The following HSPG2 variants were observed in gnomAD, a reference collection of about 807,000 sequenced individuals.
The protein encoded by HSPG2 is heparan sulfate proteoglycan 2.
Under a neutral mutation model 526.6 loss-of-function variants are expected in HSPG2, and 278 were observed. The ratio of observed to expected loss-of-function variants is 0.53; its 90% confidence interval spans 0.48 to 0.58. HSPG2 has a LOEUF of 0.58. HSPG2 is among the 20% of genes least tolerant of loss of function. The probability of loss-of-function intolerance (pLI) is 0.00; values close to 1 mark genes in which losing one functional copy is unlikely to be tolerated. For synonymous variants in HSPG2, 2,465 were observed against 2,555.4 expected (o/e 0.96, Z 1.07); for missense variants, 5,354 against 6,099.5 (o/e 0.88, Z 4.07).
At position 21,839,761 on chromosome 1, in the gene HSPG2, A is replaced by G. The variant is rs1488263119; in HGVS notation, c.9709+61T>C. ...CATCATCTCTAGATCACATGTGTCT[A>G]CATTTCAGACCCCAGGGCATCCCTG... On this transcript the variant is annotated intron_variant, in intron 72 of 96. Coordinates refer to ENST00000374695, the MANE Select transcript of HSPG2 (RefSeq NM_005529.7). This position sits in a 1 kb window ranked among gnomAD's most constrained non-coding sequence, Gnocchi z 4.5. 5 of 1,565,576 alleles carry G rather than the reference A, an allele frequency of 3.2e-6. No homozygotes were observed. In the African/African-American group the frequency reaches 5.4e-5, roughly 17 times the overall value.
rs780627401 is a variant in HSPG2 at position 21,842,810 on chromosome 1, G to A, written c.8870C>T (p.Thr2957Met). ...VVPGQAHAQV[T>M]WYKRGGSLPA... The stretch of plus-strand genomic sequence containing the variant: ...GAGGCTGCCCCCGCGCTTGTACCAC[G>A]TGACCTGGGCATGGGCCTGCCCGGG... The change falls in exon 67 of 97, where the codon ACG (threonine) becomes ATG (methionine). Residue 2957 changes from threonine (T) to methionine (M), a missense_variant. Thr to Met is a moderately conservative substitution (Grantham distance 81, BLOSUM62 -1). Coordinates refer to ENST00000374695, the MANE Select transcript of HSPG2 (RefSeq NM_005529.7). 28 of 1,613,762 alleles carry A rather than the reference G, an allele frequency of 1.7e-5. No individual in the cohort carries two copies. Among genetic ancestry groups the A allele is most frequent in the East Asian group, 1.1e-4 (5 of 44,900 alleles).
rs544883114 is a variant in HSPG2, at chr1:21,822,318, C to T, written c.*998G>A. ...GAGGGTCCCTTCTAGGACACAGAGGCCAGGCGTCCCAACCCCACAGTCTGG... is the reference window on the plus strand; with the variant it reads ...GAGGGTCCCTTCTAGGACACAGAGGTCAGGCGTCCCAACCCCACAGTCTGG... On this transcript the variant is annotated 3_prime_UTR_variant, in exon 97 of 97. Coordinates refer to ENST00000374695, the MANE Select transcript of HSPG2 (RefSeq NM_005529.7). 4.2e-6 allele frequency: 5 copies of T among 1,194,972 alleles called. No homozygotes were observed. The highest frequency in any genetic ancestry group is 6.2e-6 in the Non-Finnish European group (5 of 811,378). The allele number at this position is 1,194,972 out of a possible 1,614,324, so 74.0% of individuals were successfully genotyped here. A position where few individuals can be genotyped will look rare whatever the true frequency, so the allele number is the denominator to read the frequency against.
Position 21,848,114 on chromosome 1 carries a change from G to A in HSPG2, c.7738-21C>T, listed in dbSNP as rs1274954667. The A allele has an allele frequency of 6.4e-7, 1 of 1,565,042 alleles. No homozygotes were observed. The highest frequency in any genetic ancestry group is 8.7e-7 in the Non-Finnish European group (1 of 1,155,960). Reference sequence around the variant, plus strand: ...ACGATCTGCAGGAAGCAGATGGCAGGAGGTATGGCAGTAGGTGTGGGCAGC... The same window carrying A: ...ACGATCTGCAGGAAGCAGATGGCAGAAGGTATGGCAGTAGGTGTGGGCAGC... On this transcript the variant is annotated intron_variant, in intron 59 of 96. Transcript: ENST00000374695. This position sits in a 1 kb window ranked among gnomAD's most constrained non-coding sequence, Gnocchi z 4.9.
At position 21,887,967 on chromosome 1, in the gene HSPG2, C is replaced by A; in HGVS notation, c.674G>T (p.Cys225Phe). The change falls in exon 7 of 97, where the codon TGC becomes TTC. Residue 225 changes from cysteine to phenylalanine, a missense_variant. By Grantham distance (205) the Cys-to-Phe change is radical. Transcript: ENST00000374695. The surrounding 1 kb of genome is among the most constrained non-coding windows in gnomAD (Gnocchi z 5.0). ...ATTGAGCTCATCAGACATGTCCCTG[C>A]AGTCGGGCCGCCGGTCACAGCGATA... is the stretch of plus-strand genomic sequence containing the variant. Reference protein sequence around the residue: ...LEYRCDRRPDCRDMSDELNCE... With the variant: ...LEYRCDRRPDFRDMSDELNCE... 6.2e-7 allele frequency: 1 copy of A among 1,614,170 alleles called. No homozygotes were observed. Among genetic ancestry groups the A allele is most frequent in the Non-Finnish European group, 8.5e-7 (1 of 1,180,044 alleles).
At position 21,884,655 on chromosome 1, in the gene HSPG2, GTGGCCGTCAGGGCAGGGGCCTGC is replaced by G; in HGVS notation, c.1508-4_1526del. 6.2e-7 allele frequency: 1 copy of G among 1,612,078 alleles called. No homozygotes were observed. Among genetic ancestry groups the G allele is most frequent in the South Asian group, 1.1e-5 (1 of 91,038 alleles). On this transcript the variant is annotated splice_acceptor_variant and splice_polypyrimidine_tract_variant and coding_sequence_variant and intron_variant, in exon 13 of 97. Transcript: ENST00000374695. LOFTEE classifies it high-confidence loss of function. Reference sequence around the variant, plus strand: ...AGGCGGCGCTGTGCTCCAGGTAGAAGTGGCCGTCAGGGCAGGGGCCTGCTGGGCGGCATGGGCGGGGGCTGCAG... The same window carrying G: ...AGGCGGCGCTGTGCTCCAGGTAGAAGTGGGCGGCATGGGCGGGGGCTGCAG...
Position 21,828,254 on chromosome 1 carries a change from C to T in HSPG2, c.12409+1G>A. On this transcript the variant is annotated splice_donor_variant, in intron 89 of 96. Transcript: ENST00000374695. LOFTEE classifies it high-confidence loss of function. The surrounding 1 kb of genome is among the most constrained non-coding windows in gnomAD (Gnocchi z 6.0). ...CCGGTGCCCTGGGCAGGCTTTCCCA[C>T]CTTTGAATCCATCTCGACACAGGCA... 6 of 1,613,606 alleles carry T rather than the reference C, an allele frequency of 3.7e-6. No individual in the cohort carries two copies. Among genetic ancestry groups the T allele is most frequent in the Non-Finnish European group, 5.1e-6 (6 of 1,180,030 alleles).
intron 1 of HSPG2, among the ~76,000 whole-genome samples, chr1:21,931,429 C>T (rs1268233283): frequency 6.6e-6 from 1 of 152,214 alleles, no homozygotes; most frequent in Non-Finnish European, 1.5e-5. Context: ...AGGGCCGGGA[C>T]CCTCGGCGCA....
Position 21,898,561 on chromosome 1 carries a change from A to C in HSPG2, c.64-2251T>G, listed in dbSNP as rs756053122. On this transcript the variant is annotated intron_variant, in intron 1 of 96. Transcript: ENST00000374695. This position sits in a 1 kb window ranked among gnomAD's most constrained non-coding sequence, Gnocchi z 4.0. ...AGGGTGGTCTTAGTTGTGCATGTCCAGGGGATTCCCACAGTCCCTGGTTAG... is the reference window on the plus strand; with the variant it reads ...AGGGTGGTCTTAGTTGTGCATGTCCCGGGGATTCCCACAGTCCCTGGTTAG... 6.6e-6 allele frequency among the ~76,000 whole-genome samples: 1 copy of C among 152,234 alleles called. No homozygotes were observed.
Position 21,846,523 on chromosome 1 carries a change from G to A in HSPG2, c.8241C>T (p.Asn2747=), listed in dbSNP as rs753706590. Residue 2747 remains asparagine (N), a synonymous_variant, in exon 63 of 97, where the codon AAC becomes AAT. Coordinates refer to ENST00000374695, the MANE Select transcript of HSPG2 (RefSeq NM_005529.7). ...HVAEGETLDL[N]CVVPGQAHAQ... is the part of the protein sequence containing the mutation. Reference sequence around the variant, plus strand: ...CATGGGCCTGCCCGGGGACCACGCAGTTCAGATCCAGGGTCTCCCCTTCGG... The same window carrying A: ...CATGGGCCTGCCCGGGGACCACGCAATTCAGATCCAGGGTCTCCCCTTCGG... 8 of 1,613,774 alleles carry A rather than the reference G, an allele frequency of 5.0e-6. No homozygotes were observed. The East Asian group carries it at 1.8e-4, about 36-fold the overall frequency.
At position 21,910,373 on chromosome 1, in the gene HSPG2, C is replaced by T. The variant is rs546251027; in HGVS notation, c.64-14063G>A. On this transcript the variant is annotated intron_variant, in intron 1 of 96. Coordinates refer to ENST00000374695, the MANE Select transcript of HSPG2 (RefSeq NM_005529.7). Reference sequence around the variant, plus strand: ...GCCCTGTAAGATTCAGCACAAAATGCCTCCTCCAGGAAGCCCACAGGGCTG... The same window carrying T: ...GCCCTGTAAGATTCAGCACAAAATGTCTCCTCCAGGAAGCCCACAGGGCTG... Among the ~76,000 whole-genome samples, 13 of 152,360 alleles carry T rather than the reference C, an allele frequency of 8.5e-5. No individual in the cohort carries two copies. The East Asian group carries it at 2.1e-3, about 25-fold the overall frequency.
At chr1:21,833,771 C>A in intron 78 of HSPG2, 45 bp downstream of exon 78, 1 of 1,523,342 alleles carries the variant, frequency 6.6e-7, no homozygotes. Flanking sequence ...CAGATCTGTT[C>A]CCAGCCCCCA....
intron 83 of HSPG2, 39 bp from the exon 84 acceptor site, chr1:21,831,363 G>A (rs1414814240): frequency 6.3e-7 from 1 of 1,593,832 alleles, no homozygotes; most frequent in African/African-American, 1.3e-5. Context: ...AGGGCAGGGT[G>A]TCCCAGCCCA....
rs1232425343 is a variant in HSPG2 at position 21,921,194 on chromosome 1, GCC to G, written c.63+15959_63+15960del. Among the ~76,000 whole-genome samples the G allele has an allele frequency of 1.5e-3, 221 of 152,298 alleles. 1 individual carries two copies. Among genetic ancestry groups the G allele is most frequent in the Middle Eastern group, 0.014 (4 of 294 alleles). On this transcript the variant is annotated intron_variant, in intron 1 of 96. Coordinates refer to ENST00000374695, the MANE Select transcript of HSPG2 (RefSeq NM_005529.7). ...GCCACTCAGAAAGGTAAAGTGACTT[GCC>G]CAAGGTCATACAGCCCAGAACTGGC...
rs768181899 is a variant in HSPG2 at position 21,835,619 on chromosome 1, C to G, written c.10374G>C (p.Gln3458His). 6.2e-7 allele frequency: 1 copy of G among 1,613,730 alleles called. No homozygotes were observed. Among genetic ancestry groups the G allele is most frequent in the Non-Finnish European group, 8.5e-7 (1 of 1,179,600 alleles). ...DGVLRIQNLDQSCQGTYICQA... is the reference protein window; with the variant it reads ...DGVLRIQNLDHSCQGTYICQA... ...GGCATATATACGTCCCTTGGCAGCTCTGGTCCAAGTTCTGGATTCTATAAA... is the reference window on the plus strand; with the variant it reads ...GGCATATATACGTCCCTTGGCAGCTGTGGTCCAAGTTCTGGATTCTATAAA... The change falls in exon 76 of 97, where the codon CAG becomes CAC. Residue 3458 changes from glutamine to histidine, a missense_variant. Gln to His is a conservative substitution (Grantham distance 24). Transcript: ENST00000374695.
At chr1:21,911,454 A>G (rs1314305336) in intron 1 of HSPG2, among the ~76,000 whole-genome samples, 1 of 107,402 alleles carries the variant, frequency 9.3e-6, no homozygotes, top group Non-Finnish European at 1.9e-5. Context: ...GCCCCAGAGC[A>G]GGCAGGGAGT....
Position 21,824,488 on chromosome 1 carries a change from GC to G in HSPG2, c.12744+48del, listed in dbSNP as rs2097963372. The G allele has an allele frequency of 6.2e-7, 1 of 1,607,562 alleles. No homozygotes were observed. The highest frequency in any genetic ancestry group is 1.7e-5 in the Admixed American group (1 of 60,002). Reference sequence around the variant, plus strand: ...CACCACTCCGGCCACCAGGAAGCCAGCTTCCTGCCCCAGGAGCCCCAAGAGC... The same window carrying G: ...CACCACTCCGGCCACCAGGAAGCCAGTTCCTGCCCCAGGAGCCCCAAGAGC... On this transcript the variant is annotated intron_variant, in intron 93 of 96. Coordinates refer to ENST00000374695, the MANE Select transcript of HSPG2 (RefSeq NM_005529.7). The surrounding 1 kb of genome is among the most constrained non-coding windows in gnomAD (Gnocchi z 5.9).
chr1:21,865,103 G>T lies in HSPG2; in HGVS notation c.4396-30C>A, dbSNP rs1162896063. 6.4e-7 allele frequency: 1 copy of T among 1,552,586 alleles called. No homozygotes were observed. The highest frequency in any genetic ancestry group is 8.7e-7 in the Non-Finnish European group (1 of 1,146,376). On this transcript the variant is annotated intron_variant, in intron 35 of 96. Transcript: ENST00000374695. This position sits in a 1 kb window ranked among gnomAD's most constrained non-coding sequence, Gnocchi z 5.4. The stretch of plus-strand genomic sequence containing the variant: ...GTTGGGGGTGGCAACGTGGGCGGGG[G>T]CAGTGGGCTTTGTGGGCTGCTCCTA...
At position 21,839,265 on chromosome 1, in the gene HSPG2, G is replaced by T; in HGVS notation, c.9889+106C>A. ...AGGGCAGGCTCCAGGACCCTGCAGC[G>T]CCTGGAGACCTCTGGATGGGGTTCC... On this transcript the variant is annotated intron_variant, in intron 73 of 96. Transcript: ENST00000374695. The surrounding 1 kb of genome is among the most constrained non-coding windows in gnomAD (Gnocchi z 4.5). The T allele has an allele frequency of 1.4e-6, 2 of 1,461,382 alleles. No homozygotes were observed. The highest frequency in any genetic ancestry group is 1.4e-5 in the African/African-American group (1 of 72,236). 90.5% of individuals were successfully genotyped at this position (1,461,382 alleles called of 1,614,324 possible). A position where few individuals can be genotyped will look rare whatever the true frequency, so the allele number is the denominator to read the frequency against.
At chr1:21,923,287 A>G (rs559786346) in intron 1 of HSPG2, among the ~76,000 whole-genome samples, 215 of 152,190 alleles carry the variant, frequency 1.4e-3, no homozygotes, top group Non-Finnish European at 2.4e-3. Flanking sequence ...GGCGCCTGTA[A>G]TCCCAGCTAC....
Sources: allele counts gnomAD v4.1 joint callset (sites outside exome capture counted in the v4.1 genomes callset), GRCh38; gene constraint gnomAD v4.1.1; non-coding constraint Gnocchi (gnomAD v3.1); transcripts MANE v1.5; gene names NCBI Gene and HGNC (gene_info 2026-07-23, HGNC 2026-07-21).